Variants in PATE1 observed in about 807,000 individuals in gnomAD.
The protein encoded by PATE1 is prostate and testis expressed 1, also known as prostate and testis expressed protein 1.
PATE1 carries 21 observed loss-of-function variants against 13.1 expected under a neutral mutation model. The observed-to-expected ratio is 1.61, with a 90% CI of 1.14 to 2.31. The LOEUF is 2.31. Among genes scored for constraint, PATE1 ranks in the 30% most tolerant of loss-of-function variants. PATE1 has a pLI of 0.00. For missense variants in PATE1, 166 were observed against 147.2 expected, an observed-to-expected ratio of 1.13 and a Z score of -0.66; for synonymous variants, 52 against 47.1, an observed-to-expected ratio of 1.10 and a Z score of -0.43.
At position 125,748,860 on chromosome 11, in the gene PATE1, G is replaced by T; in HGVS notation, c.*127G>T. The T allele has an allele frequency of 1.7e-6, 2 of 1,200,582 alleles. No individual in the cohort carries two copies. Among genetic ancestry groups the T allele is most frequent in the South Asian group, 3.5e-5 (2 of 57,582 alleles). The allele number at this position is 1,200,582 out of a possible 1,614,324, so 74.4% of individuals were successfully genotyped here. A position where few individuals can be genotyped will look rare whatever the true frequency, so the allele number is the denominator to read the frequency against. On this transcript the variant is annotated 3_prime_UTR_variant, in exon 5 of 5. Transcript: ENST00000305738. Reference sequence around the variant, plus strand: ...CTACAGAAGAGGATTGCAAACACATGGCTCCATCTTCTGCACACGAAAGGA... The same window carrying T: ...CTACAGAAGAGGATTGCAAACACATTGCTCCATCTTCTGCACACGAAAGGA...
At chr11:125,748,243 T>C (rs985311011) in intron 4 of PATE1, among the ~76,000 whole-genome samples, 6 of 152,164 alleles carry the variant, frequency 3.9e-5, no homozygotes, top group Non-Finnish European at 8.8e-5. Context: ...CCCTGGATGG[T>C]TAAGATGAGA....
chr11:125,747,552 T>C lies in PATE1; in HGVS notation c.124+141T>C, dbSNP rs2134164922. On this transcript the variant is annotated intron_variant, in intron 3 of 4. Coordinates refer to ENST00000305738, the MANE Select transcript of PATE1 (RefSeq NM_138294.3). ...AACCTCAATCACTCTCTTGGCTTAG[T>C]GTATTTCCACAGAGGAAGAGGTTCA... 6 of 1,423,750 alleles carry C rather than the reference T, an allele frequency of 4.2e-6. No individual in the cohort carries two copies. In the East Asian group the frequency reaches 1.1e-4, roughly 27 times the overall value. 88.2% of individuals were successfully genotyped at this position (1,423,750 alleles called of 1,614,324 possible). A position where few individuals can be genotyped will look rare whatever the true frequency, so the allele number is the denominator to read the frequency against.
intron 4 of PATE1, chr11:125,748,043 A>C: frequency 1.7e-6 from 1 of 590,624 alleles, no homozygotes; most frequent in Non-Finnish European, 2.9e-6. Flanking sequence ...CATTTTGAGA[A>C]GCCTGAAGAA....
At chr11:125,748,038 T>C in intron 4 of PATE1, 1 of 607,886 alleles carries the variant, frequency 1.6e-6, no homozygotes, top group East Asian at 3.2e-5. Flanking sequence ...ATTAGCATTT[T>C]GAGAAGCCTG....
Position 125,747,762 on chromosome 11 carries a change from G to T in PATE1, c.187G>T (p.Gly63Ter), listed in dbSNP as rs1454938036. 6.2e-7 allele frequency: 1 copy of T among 1,613,942 alleles called. No individual in the cohort carries two copies. Among genetic ancestry groups the T allele is most frequent in the South Asian group, 1.1e-5 (1 of 91,084 alleles). The stretch of plus-strand genomic sequence containing the variant: ...GTTCCCAGGAGAAAAGTGCTCCAGA[G>T]GAAGAGGAATATGCACAGCAACAAC... Reference protein sequence around the residue: ...LQFPGEKCSRGRGICTATTEE... With the variant: ...LQFPGEKCSR Residue 63 changes from glycine (G) to a stop codon, truncating the protein, a stop_gained, in exon 4 of 5, where the codon GGA becomes TGA. Transcript: ENST00000305738. LOFTEE classifies it high-confidence loss of function.
In PATE1 at chr11:125,749,521, C is replaced by T. The variant is rs1185964098; in HGVS notation, c.*788C>T. 1.3e-5 allele frequency: 2 copies of T among 152,282 alleles called. No individual in the cohort carries two copies. Among genetic ancestry groups the T allele is most frequent in the East Asian group, 3.8e-4 (2 of 5,198 alleles). The allele number at this position is 152,282 out of a possible 1,614,324, so 9.4% of individuals were successfully genotyped here. On this transcript the variant is annotated 3_prime_UTR_variant, in exon 5 of 5. Transcript: ENST00000305738. ...AGCCACCAGCAGCAAAACAAATATT[C>T]CCATGCCTGGAGCATGGCATAGAGG...
rs1427132052 is a variant in PATE1 at position 125,748,662 on chromosome 11, A to G, written c.310A>G (p.Ile104Val). ...CLKNCADVKG[I>V]RWSVYLVNFR... ...AAAGAACTGTGCTGATGTGAAAGGC[A>G]TAAGGTGGAGTGTCTATTTGGTGAA... Residue 104 changes from isoleucine (I) to valine (V), a missense_variant, in exon 5 of 5, where the codon ATA (isoleucine) becomes GTA (valine). Coordinates refer to ENST00000305738, the MANE Select transcript of PATE1 (RefSeq NM_138294.3). 2 of 1,613,986 alleles carry G rather than the reference A, an allele frequency of 1.2e-6. No homozygotes were observed. Among genetic ancestry groups the G allele is most frequent in the Admixed American group, 1.7e-5 (1 of 59,994 alleles).
chr11:125,747,901 TCTTA>T, intron 4 of PATE1, 79 bp downstream of exon 4: 1 of 1,572,556 alleles, frequency 6.4e-7, no homozygotes, highest in East Asian at 2.3e-5. Context: ...AAAGGAGAGA[TCTTA>T]CTTTACTTTT....
intron 3 of PATE1, 36 bp from the exon 4 acceptor site, chr11:125,747,664 C>T (rs1163949908): frequency 1.2e-6 from 2 of 1,610,140 alleles, no homozygotes. Flanking sequence ...GTAGTGCCAT[C>T]TTTTCTCACT....
intron 4 of PATE1, among the ~76,000 whole-genome samples, chr11:125,748,356 T>G (rs1177874159): frequency 6.6e-6 from 1 of 152,200 alleles, no homozygotes; most frequent in Non-Finnish European, 1.5e-5. Context: ...ACACCCAGCT[T>G]TGGCAATCCC....
At chr11:125,748,130 G>A (rs1022609436) in intron 4 of PATE1, 3 of 355,384 alleles carry the variant, frequency 8.4e-6, no homozygotes, top group Non-Finnish European at 1.6e-5. Flanking sequence ...GTTGAGTTGT[G>A]GAGGGGGCTT....
chr11:125,747,251 G>T, intron 2 of PATE1, 125 bp from the exon 3 acceptor site: 1 of 795,006 alleles, frequency 1.3e-6, no homozygotes. Flanking sequence ...GGGGGACAGA[G>T]TGGGCCTGGA....
At position 125,746,690 on chromosome 11, in the gene PATE1, G is replaced by T; in HGVS notation, c.82G>T (p.Asp28Tyr). The T allele has an allele frequency of 1.2e-6, 2 of 1,613,548 alleles. No individual in the cohort carries two copies. Among genetic ancestry groups the T allele is most frequent in the Non-Finnish European group, 1.7e-6 (2 of 1,179,708 alleles). The change falls in exon 2 of 5, where the codon GAT (aspartate) becomes TAT (tyrosine). Residue 28 changes from aspartate (D) to tyrosine (Y), a missense_variant. Physicochemically the swap from Asp to Tyr is radical, Grantham distance 160. Transcript: ENST00000305738. ...ATCTGGATCACTTTCAATGAGAAAT[G>T]ATGCAGGTGAGTAGGAATAGATAAG... is the stretch of plus-strand genomic sequence containing the variant. Reference protein sequence around the residue: ...ALSGSLSMRNDAVNEIVAVKN... With the variant: ...ALSGSLSMRNYAVNEIVAVKN...
intron 4 of PATE1, 153 bp downstream of exon 4, chr11:125,747,975 T>A (rs1943288615): frequency 8.3e-7 from 1 of 1,206,760 alleles, no homozygotes; most frequent in Admixed American, 2.5e-5. Flanking sequence ...TATGCCGTAA[T>A]GAAAATTAGA....
At position 125,747,687 on chromosome 11, in the gene PATE1, C is replaced by T. The variant is rs1943285518; in HGVS notation, c.125-13C>T. ...ATCTTTTCTCACTTCTCTTTCCCCT[C>T]TCTCTGGCCAAGTGATAGAAATTGT... On this transcript the variant is annotated splice_polypyrimidine_tract_variant and intron_variant, in intron 3 of 4. Transcript: ENST00000305738. 1.2e-6 allele frequency: 2 copies of T among 1,612,482 alleles called. No homozygotes were observed. The highest frequency in any genetic ancestry group is 2.2e-5 in the South Asian group (2 of 91,032).
chr11:125,749,645 C>G lies in PATE1; in HGVS notation c.*912C>G, dbSNP rs1184995288. The G allele has an allele frequency of 6.6e-6, 1 of 152,076 alleles. No homozygotes were observed. Among genetic ancestry groups the G allele is most frequent in the Non-Finnish European group, 1.5e-5 (1 of 68,038 alleles). 9.4% of individuals were successfully genotyped at this position (152,076 alleles called of 1,614,324 possible). On this transcript the variant is annotated 3_prime_UTR_variant, in exon 5 of 5. Transcript: ENST00000305738. The stretch of plus-strand genomic sequence containing the variant: ...AGAGATGCCCCATGACCCCAGATGC[C>G]TCTCCCACCCTTACCTCCATCTCAC...
chr11:125,747,615 C>T (rs994750539), intron 3 of PATE1, 85 bp from the exon 4 acceptor site: 2 of 1,573,446 alleles, frequency 1.3e-6, no homozygotes, highest in African/African-American at 1.3e-5. Flanking sequence ...TGGCTCTAGG[C>T]AGACTTCTAA....
chr11:125,748,587 CT>C lies in PATE1; in HGVS notation c.248-12del. Reference sequence around the variant, plus strand: ...GGCCAGGCTTCCTGATCTGTTTTTTCTCCCCTCCACAGGGGATGGTAATCCC... The same window carrying C: ...GGCCAGGCTTCCTGATCTGTTTTTTCCCCCTCCACAGGGGATGGTAATCCC... On this transcript the variant is annotated splice_polypyrimidine_tract_variant and intron_variant, in intron 4 of 4. Transcript: ENST00000305738. 1 of 1,606,288 alleles carries C rather than the reference CT, an allele frequency of 6.2e-7. No individual in the cohort carries two copies. The highest frequency in any genetic ancestry group is 8.5e-7 in the Non-Finnish European group (1 of 1,178,034).
rs1381919300 is a variant in PATE1 at position 125,749,403 on chromosome 11, G to A, written c.*670G>A. 4 of 152,198 alleles carry A rather than the reference G, an allele frequency of 2.6e-5. No individual in the cohort carries two copies. The highest frequency in any genetic ancestry group is 9.7e-5 in the African/African-American group (4 of 41,430). The allele number at this position is 152,198 out of a possible 1,614,324, so 9.4% of individuals were successfully genotyped here. A position where few individuals can be genotyped will look rare whatever the true frequency, so the allele number is the denominator to read the frequency against. On this transcript the variant is annotated 3_prime_UTR_variant, in exon 5 of 5. Coordinates refer to ENST00000305738, the MANE Select transcript of PATE1 (RefSeq NM_138294.3). ...AGCAGGAGAAGTCTATGGGATTCTA[G>A]AAATAGTACCTGCATCCAGCTTCCC...
Sources: allele counts gnomAD v4.1 joint callset (sites outside exome capture counted in the v4.1 genomes callset), GRCh38; gene constraint gnomAD v4.1.1; transcripts MANE v1.5; gene names NCBI Gene and HGNC (gene_info 2026-07-23, HGNC 2026-07-21).